Variants in SERGEF observed in about 807,000 individuals in gnomAD.
SERGEF encodes secretion-regulating guanine nucleotide exchange factor.
A neutral mutation model predicts 50.0 loss-of-function variants in SERGEF; 51 were observed. That is an observed-to-expected ratio of 1.02 (90% CI 0.81 to 1.29). The LOEUF is 1.29. Ranked by LOEUF, SERGEF falls within the 50% of genes most tolerant of loss-of-function variation. SERGEF has a pLI of 0.00. For synonymous variants in SERGEF, 205 were observed against 212.4 expected (o/e 0.97, Z 0.30); for missense variants, 521 against 557.0 (o/e 0.94, Z 0.65).
chr11:18,005,909 T>A (rs1490374146), intron 3 of SERGEF, among the ~76,000 whole-genome samples: 1 of 151,906 alleles, frequency 6.6e-6, no homozygotes, highest in African/African-American at 2.4e-5. Context: ...TGCCTCATAT[T>A]CTCCTACCAC....
At chr11:17,915,211 T>A (rs886850795) in intron 9 of SERGEF, among the ~76,000 whole-genome samples, 2 of 152,192 alleles carry the variant, frequency 1.3e-5, no homozygotes, top group Admixed American at 1.3e-4. Context: ...GTATCCCCCA[T>A]AATGCCCAGG....
intron 10 of SERGEF, among the ~76,000 whole-genome samples, chr11:17,843,894 G>T (rs1850553505): frequency 6.6e-6 from 1 of 152,130 alleles, no homozygotes; most frequent in African/African-American, 2.4e-5. Context: ...GAACCAGAGG[G>T]GTTCAGGGAA....
chr11:17,999,524 G>T (rs1853914652), intron 5 of SERGEF: 1 of 454,528 alleles, frequency 2.2e-6, no homozygotes, highest in Non-Finnish European at 4.4e-6. Context: ...TCCACAAGTG[G>T]ACTCACGAAG....
intron 9 of SERGEF, among the ~76,000 whole-genome samples, chr11:17,918,326 A>G (rs932977965): frequency 2.0e-5 from 3 of 152,238 alleles, no homozygotes; most frequent in African/African-American, 4.8e-5. Context: ...AACTATTTAC[A>G]TCATGGCTTC....
At chr11:17,952,602 A>T (rs1199051251) in intron 9 of SERGEF, among the ~76,000 whole-genome samples, 1 of 152,066 alleles carries the variant, frequency 6.6e-6, no homozygotes, top group Non-Finnish European at 1.5e-5. Flanking sequence ...TGGTTTCTCC[A>T]TGCTTACAAA....
Position 17,948,098 on chromosome 11 carries a change from G to A in SERGEF, c.1011+11372C>T, listed in dbSNP as rs186933770. Among the ~76,000 whole-genome samples the A allele has an allele frequency of 7.4e-4, 112 of 151,954 alleles. 1 individual carries two copies. The highest frequency in any genetic ancestry group is 2.3e-3 in the African/African-American group (95 of 41,418). On this transcript the variant is annotated intron_variant, in intron 9 of 10. Transcript: ENST00000265965. ...ACAGGTACACATCGCCATGCCTAATGTTTGTGTTTTTTGTAGAGACAGGGT... is the reference window on the plus strand; with the variant it reads ...ACAGGTACACATCGCCATGCCTAATATTTGTGTTTTTTGTAGAGACAGGGT...
intron 10 of SERGEF, chr11:17,855,845 A>T (rs888268849): frequency 6.6e-6 from 1 of 152,242 alleles, no homozygotes; most frequent in African/African-American, 2.4e-5. Context: ...GCTGGCTCAC[A>T]ACTGAAACAT....
chr11:17,956,104 A>C (rs1852864696), intron 9 of SERGEF, among the ~76,000 whole-genome samples: 2 of 152,332 alleles, frequency 1.3e-5, no homozygotes, highest in South Asian at 4.1e-4. Flanking sequence ...ACAGAGAATG[A>C]AACACAGAAG....
rs951898375 is a variant in SERGEF at position 17,888,662 on chromosome 11, C to T, written c.1012-10418G>A. Reference sequence around the variant, plus strand: ...ACACACACACACACACACACACACACACACACACACACACACGCATTGAGT... The same window carrying T: ...ACACACACACACACACACACACACATACACACACACACACACGCATTGAGT... On this transcript the variant is annotated intron_variant, in intron 9 of 10. Coordinates refer to ENST00000265965, the MANE Select transcript of SERGEF (RefSeq NM_012139.4). The surrounding 1 kb of genome is among the most constrained non-coding windows in gnomAD (Gnocchi z 4.1). Among the ~76,000 whole-genome samples, 11 of 141,448 alleles carry T rather than the reference C, an allele frequency of 7.8e-5. No homozygotes were observed. Among genetic ancestry groups the T allele is most frequent in the African/African-American group, 3.0e-4 (11 of 37,156 alleles). The allele number at this position is 141,448 out of a possible 152,430, so 92.8% of individuals were successfully genotyped here.
rs191212352 is a variant in SERGEF at position 17,942,731 on chromosome 11, G to T, written c.1011+16739C>A. Among the ~76,000 whole-genome samples, 32 of 152,218 alleles carry T rather than the reference G, an allele frequency of 2.1e-4. No homozygotes were observed. The East Asian group carries it at 5.8e-3, about 28-fold the overall frequency. On this transcript the variant is annotated intron_variant, in intron 9 of 10. Transcript: ENST00000265965. ...TAAATTTTTCACCATCAATTATCAT[G>T]TTAGTGCTTTATAAGTGCCCCTTAT...
chr11:17,858,583 CAG>C (rs912773737), intron 10 of SERGEF, among the ~76,000 whole-genome samples: 1 of 152,176 alleles, frequency 6.6e-6, no homozygotes, highest in Non-Finnish European at 1.5e-5. Context: ...CCCATGCCCA[CAG>C]AGTCTCATGT....
intron 10 of SERGEF, among the ~76,000 whole-genome samples, chr11:17,854,227 A>T (rs978462896): frequency 1.3e-5 from 2 of 152,176 alleles, no homozygotes; most frequent in Non-Finnish European, 2.9e-5. Context: ...GCTCTGCTTC[A>T]TTAAGCTTTC....
At chr11:17,906,891 A>C (rs1330094364) in intron 9 of SERGEF, among the ~76,000 whole-genome samples, 1 of 151,616 alleles carries the variant, frequency 6.6e-6, no homozygotes, top group Non-Finnish European at 1.5e-5. Flanking sequence ...TATGAAACTG[A>C]ATGTGGTTGT....
intron 8 of SERGEF, among the ~76,000 whole-genome samples, chr11:17,959,990 C>G (rs939916602): frequency 6.6e-6 from 1 of 152,220 alleles, no homozygotes; most frequent in African/African-American, 2.4e-5. Flanking sequence ...CCCACACACT[C>G]CTTGTGCTTT....
rs1849677398 is a variant in SERGEF, at chr11:17,801,950, C to G, written c.1049-13537G>C. On this transcript the variant is annotated intron_variant, in intron 10 of 10. Transcript: ENST00000265965. ...CTACATGGGCTAATAATATAAATTACCTTTGTGAATGTCCCTGTTTCATAA... is the reference window on the plus strand; with the variant it reads ...CTACATGGGCTAATAATATAAATTAGCTTTGTGAATGTCCCTGTTTCATAA... 2.6e-5 allele frequency among the ~76,000 whole-genome samples: 4 copies of G among 152,242 alleles called. No homozygotes were observed. In the South Asian group the frequency reaches 8.3e-4, roughly 32 times the overall value.
chr11:17,841,183 G>A (rs1850496082), intron 10 of SERGEF, among the ~76,000 whole-genome samples: 1 of 152,128 alleles, frequency 6.6e-6, no homozygotes, highest in Non-Finnish European at 1.5e-5. Flanking sequence ...ACATTTCTCG[G>A]GGCATCCTAA....
At position 17,863,243 on chromosome 11, in the gene SERGEF, GT is replaced by G. The variant is rs1850958355; in HGVS notation, c.1048+14964del. On this transcript the variant is annotated intron_variant, in intron 10 of 10. Coordinates refer to ENST00000265965, the MANE Select transcript of SERGEF (RefSeq NM_012139.4). ...CTTTGTACTTAACTACATCACTTCA[GT>G]TTTACTCTGTAAAAAGGTATTATCC... Among the ~76,000 whole-genome samples the G allele has an allele frequency of 2.6e-5, 4 of 152,280 alleles. No individual in the cohort carries two copies. In the South Asian group the frequency reaches 8.3e-4, roughly 32 times the overall value.
intron 10 of SERGEF, among the ~76,000 whole-genome samples, chr11:17,808,013 C>T (rs1849793943): frequency 6.6e-6 from 1 of 152,178 alleles, no homozygotes; most frequent in South Asian, 2.1e-4. Context: ...GAATGTGCAG[C>T]CACAAGATTA....
At chr11:17,847,356 A>G (rs1850634325) in intron 10 of SERGEF, among the ~76,000 whole-genome samples, 1 of 152,062 alleles carries the variant, frequency 6.6e-6, no homozygotes, top group African/African-American at 2.4e-5. Flanking sequence ...TTTGGGGGGA[A>G]GGGGGACAGG....
Sources: allele counts gnomAD v4.1 joint callset (sites outside exome capture counted in the v4.1 genomes callset), GRCh38; gene constraint gnomAD v4.1.1; non-coding constraint Gnocchi (gnomAD v3.1); transcripts MANE v1.5; gene names NCBI Gene and HGNC (gene_info 2026-07-23, HGNC 2026-07-21).